Variants in NUP205 observed in about 807,000 individuals in gnomAD.
NUP205 encodes the protein nucleoporin 205.
Under a neutral mutation model 253.8 loss-of-function variants are expected in NUP205, and 76 were observed. That is an observed-to-expected ratio of 0.30 (90% CI 0.25 to 0.36). The LOEUF (loss-of-function observed/expected upper bound fraction) is 0.36. Ranked by LOEUF, NUP205 falls within the 10% of genes least tolerant of loss-of-function variation. The pLI, the probability that NUP205 is intolerant of heterozygous loss-of-function variation, is 1.00. For missense variants in NUP205, 2,162 were observed against 2,425.5 expected (o/e 0.89, Z 2.28); for synonymous variants, 832 against 850.1 (o/e 0.98, Z 0.37).
intron 15 of NUP205, among the ~76,000 whole-genome samples, chr7:135,599,589 A>G (rs565807350): frequency 6.6e-6 from 1 of 152,146 alleles, no homozygotes; most frequent in South Asian, 2.1e-4. Flanking sequence ...GTTGTTTTAA[A>G]TGTCTTATAT....
Position 135,557,932 on chromosome 7 carries a change from G to A in NUP205, c.-13G>A, listed in dbSNP as rs1306321019. ...TCCATGCGGCAGAAGGGCTCTGTTA[G>A]TGCGCCTCTAAGATGGCGACGCCTT... On this transcript the variant is annotated 5_prime_UTR_variant, in exon 1 of 43. It adds an upstream start codon to the 5' untranslated region. Transcript: ENST00000285968. 6.2e-7 allele frequency: 1 copy of A among 1,613,250 alleles called. No homozygotes were observed. Among genetic ancestry groups the A allele is most frequent in the Non-Finnish European group, 8.5e-7 (1 of 1,179,180 alleles).
In NUP205 at chr7:135,618,596, A is replaced by G; in HGVS notation, c.3956A>G (p.His1319Arg). ...ATTCGTGATATTTTACAAGATGTGC[A>G]TGATAAGGTGACGTACTTCCTAAAA... ...LIIRDILQDV[H>R]DKILDDEAAQ... The change falls in exon 28 of 43, where the codon CAT (histidine) becomes CGT (arginine). Residue 1319 changes from histidine to arginine, a missense_variant. Physicochemically the swap from His to Arg is conservative, Grantham distance 29. Coordinates refer to ENST00000285968, the MANE Select transcript of NUP205 (RefSeq NM_015135.3). 6.3e-7 allele frequency: 1 copy of G among 1,595,298 alleles called. No individual in the cohort carries two copies. Among genetic ancestry groups the G allele is most frequent in the African/African-American group, 1.3e-5 (1 of 74,598 alleles).
In NUP205 at chr7:135,584,821, T is replaced by C; in HGVS notation, c.1043-11T>C. ...TTCCTCCATGTACTGTGTTTTAAAATCTGTTTCTAGCTCTGGCAGAATTCA... is the reference window on the plus strand; with the variant it reads ...TTCCTCCATGTACTGTGTTTTAAAACCTGTTTCTAGCTCTGGCAGAATTCA... On this transcript the variant is annotated splice_polypyrimidine_tract_variant and intron_variant, in intron 7 of 42. Coordinates refer to ENST00000285968, the MANE Select transcript of NUP205 (RefSeq NM_015135.3). 1 of 1,613,536 alleles carries C rather than the reference T, an allele frequency of 6.2e-7. No homozygotes were observed. Among genetic ancestry groups the C allele is most frequent in the Non-Finnish European group, 8.5e-7 (1 of 1,179,520 alleles).
At chr7:135,594,043 C>T (rs12530805) in intron 12 of NUP205, among the ~76,000 whole-genome samples, 27,994 of 151,996 alleles carry the variant, frequency 0.18, 3,183 homozygotes, top group East Asian at 0.44. Context: ...TTGATCATTA[C>T]ATATTGTATA....
chr7:135,610,702 A>G (rs1794209187), intron 22 of NUP205, among the ~76,000 whole-genome samples: 1 of 152,284 alleles, frequency 6.6e-6, no homozygotes, highest in South Asian at 2.1e-4. Flanking sequence ...CTATACCTAT[A>G]TGTTTGTACT....
intron 19 of NUP205, 53 bp downstream of exon 19, chr7:135,604,513 A>G: frequency 1.3e-6 from 2 of 1,535,514 alleles, no homozygotes; most frequent in Non-Finnish European, 1.8e-6. Flanking sequence ...CATTTTGACT[A>G]TATATGGAAG....
At chr7:135,576,130 T>C (rs1806143276) in intron 3 of NUP205, 140 bp from the exon 4 acceptor site, 1 of 567,820 alleles carries the variant, frequency 1.8e-6, no homozygotes, top group Non-Finnish European at 3.1e-6. Flanking sequence ...TGGATGGATG[T>C]TTGTAGTAGA....
At chr7:135,570,590 A>C (rs1175495378) in intron 1 of NUP205, among the ~76,000 whole-genome samples, 2 of 146,296 alleles carry the variant, frequency 1.4e-5, no homozygotes, top group Non-Finnish European at 3.0e-5. Context: ...TTAATAAACT[A>C]TGCTTTTATA....
intron 35 of NUP205, among the ~76,000 whole-genome samples, chr7:135,632,396 T>C (rs1794732089): frequency 6.6e-6 from 1 of 152,220 alleles, no homozygotes; most frequent in Admixed American, 6.5e-5. Context: ...CTGCATAGTA[T>C]AGAGTTTCCC....
intron 14 of NUP205, 89 bp downstream of exon 14, chr7:135,597,507 C>T (rs994840163): frequency 2.3e-5 from 17 of 751,430 alleles, no homozygotes; most frequent in Middle Eastern, 2.9e-4. Context: ...TTTACGTTTC[C>T]ATAATTATCA....
At chr7:135,590,623 C>G (rs977575947) in intron 10 of NUP205, among the ~76,000 whole-genome samples, 28 of 151,776 alleles carry the variant, frequency 1.8e-4, no homozygotes, top group Admixed American at 1.4e-3. Context: ...ACCTCTGCCT[C>G]CTGGGTTCAA....
chr7:135,576,546 C>A, intron 4 of NUP205, 132 bp downstream of exon 4: 1 of 749,920 alleles, frequency 1.3e-6, no homozygotes, highest in Non-Finnish European at 2.1e-6. Context: ...TCTGCCAAGA[C>A]AGATATAACA....
In NUP205 at chr7:135,614,088, A is replaced by G. The variant is rs543347576; in HGVS notation, c.3196-71A>G. ...TTTTTCACTTAGTAGGTCTAAGTTC[A>G]TATTTTGTTACCATAATATGTGTAA... On this transcript the variant is annotated intron_variant, in intron 22 of 42. Coordinates refer to ENST00000285968, the MANE Select transcript of NUP205 (RefSeq NM_015135.3). The G allele has an allele frequency of 1.5e-5, 13 of 850,020 alleles. No individual in the cohort carries two copies. The South Asian group carries it at 1.8e-4, about 12-fold the overall frequency. The allele number at this position is 850,020 out of a possible 1,614,324, so 52.7% of individuals were successfully genotyped here. A position where few individuals can be genotyped will look rare whatever the true frequency, so the allele number is the denominator to read the frequency against.
Position 135,601,401 on chromosome 7 carries a change from A to G in NUP205, c.2406A>G (p.Gly802=), listed in dbSNP as rs748273685. Residue 802 remains glycine (G), a synonymous_variant, in exon 17 of 43, where the codon GGA becomes GGG. Transcript: ENST00000285968. Reference sequence around the variant, plus strand: ...AAATCATAGCCTATAAGCCACCTGGATTTAGTCTGATGTATCATCTGCTGA... The same window carrying G: ...AAATCATAGCCTATAAGCCACCTGGGTTTAGTCTGATGTATCATCTGCTGA... ...GEEIIAYKPP[G]FSLMYHLLNE... is the part of the protein sequence containing the mutation. 6.2e-7 allele frequency: 1 copy of G among 1,613,648 alleles called. No individual in the cohort carries two copies. The highest frequency in any genetic ancestry group is 8.5e-7 in the Non-Finnish European group (1 of 1,179,724).
intron 36 of NUP205, 75 bp from the exon 37 acceptor site, chr7:135,637,856 T>C (rs1046798991): frequency 1.7e-5 from 24 of 1,402,518 alleles, no homozygotes; most frequent in Non-Finnish European, 2.2e-5. Context: ...CACTGAGTTT[T>C]TCTTGTTTCT....
intron 7 of NUP205, among the ~76,000 whole-genome samples, chr7:135,579,601 G>A (rs1806249707): frequency 1.3e-5 from 2 of 152,072 alleles, no homozygotes. Flanking sequence ...ATTAAAAACA[G>A]TTATTTTTCC....
chr7:135,559,517 T>A (rs34689429), intron 1 of NUP205, among the ~76,000 whole-genome samples: 1 of 150,416 alleles, frequency 6.6e-6, no homozygotes, highest in East Asian at 2.0e-4. Flanking sequence ...ATTACAGGCA[T>A]GTGCCACCAC....
chr7:135,603,563 G>A (rs1265169506), intron 18 of NUP205, among the ~76,000 whole-genome samples: 2 of 150,128 alleles, frequency 1.3e-5, no homozygotes, highest in Non-Finnish European at 3.0e-5. Flanking sequence ...AGACTGGAGT[G>A]CGGTGGTACA....
intron 35 of NUP205, 75 bp downstream of exon 35, chr7:135,630,545 GT>G (rs1211806812): frequency 1.0e-4 from 146 of 1,391,882 alleles, no homozygotes; most frequent in Non-Finnish European, 1.4e-4. Context: ...GAGTTTTTTT[GT>G]TACTTTGCAG....
Sources: allele counts gnomAD v4.1 joint callset (sites outside exome capture counted in the v4.1 genomes callset), GRCh38; gene constraint gnomAD v4.1.1; transcripts MANE v1.5; gene names NCBI Gene and HGNC (gene_info 2026-07-23, HGNC 2026-07-21).